Variants in RIMS2 observed in about 807,000 individuals in gnomAD.
The protein encoded by RIMS2 is regulating synaptic membrane exocytosis protein 2.
Under a neutral mutation model 174.4 loss-of-function variants are expected in RIMS2, and 59 were observed. The ratio of observed to expected loss-of-function variants is 0.34; its 90% CI spans 0.27 to 0.42. The LOEUF (loss-of-function observed/expected upper bound fraction) is 0.42, where lower values mean the gene tolerates loss of function less well. Ranked by LOEUF, RIMS2 falls within the 10% of genes least tolerant of loss-of-function variation. The pLI is 1.00. For synonymous variants in RIMS2, 606 were observed against 572.5 expected (o/e 1.06, Z -0.84); for missense variants, 1,620 against 1,666.3 (o/e 0.97, Z 0.48).
rs551385234 is a variant in RIMS2 at position 103,881,931 on chromosome 8, C to T, written c.699-3367C>T. 9.3e-5 allele frequency among the ~76,000 whole-genome samples: 14 copies of T among 151,232 alleles called. No homozygotes were observed. The East Asian group carries it at 2.3e-3, about 25-fold the overall frequency. ...TAACAGAAATAAGGATAATAGAATG[C>T]GTAGGAGTAAAGATTAAGGCACTAT... On this transcript the variant is annotated intron_variant, in intron 3 of 23. Transcript: ENST00000504942.
intron 1 of RIMS2, among the ~76,000 whole-genome samples, chr8:103,670,345 C>T (rs998987059): frequency 5.9e-5 from 9 of 152,224 alleles, no homozygotes; most frequent in Non-Finnish European, 1.2e-4. Context: ...GCAAAAGTCT[C>T]TGACATGCTC....
intron 3 of RIMS2, among the ~76,000 whole-genome samples, chr8:103,781,581 A>C (rs7836827): frequency 0.12 from 17,616 of 152,116 alleles, 1,354 homozygotes; most frequent in Non-Finnish European, 0.17. Context: ...TATTTTAAAA[A>C]ACGGTTCAAA....
At chr8:103,769,068 A>T (rs954370038) in intron 3 of RIMS2, 5 of 259,206 alleles carry the variant, frequency 1.9e-5, no homozygotes, top group Non-Finnish European at 3.9e-5. Context: ...CAGACTAAAA[A>T]AAAAAGGATA....
chr8:103,797,786 G>T (rs1265269113), intron 3 of RIMS2, among the ~76,000 whole-genome samples: 2 of 152,068 alleles, frequency 1.3e-5, no homozygotes, highest in African/African-American at 4.8e-5. Flanking sequence ...TAAATAATTT[G>T]CTTGAATGTC....
intron 19 of RIMS2, among the ~76,000 whole-genome samples, chr8:104,216,932 A>G (rs6468910): frequency 0.13 from 20,420 of 152,236 alleles, 1,838 homozygotes; most frequent in African/African-American, 0.25. Context: ...ACTACCTTAT[A>G]TAGTGTTTAT....
intron 19 of RIMS2, among the ~76,000 whole-genome samples, chr8:104,167,813 A>G (rs1294007713): frequency 6.6e-6 from 1 of 152,158 alleles, no homozygotes; most frequent in Non-Finnish European, 1.5e-5. Flanking sequence ...TTCAGATCTT[A>G]GATTTAAGTC....
rs536935586 is a variant in RIMS2 at position 103,970,318 on chromosome 8, A to G, written c.2771-5032A>G. On this transcript the variant is annotated intron_variant, in intron 15 of 23. Coordinates refer to ENST00000504942, the Ensembl canonical transcript of RIMS2. ...TTCTTTCTCCTGTGTGGAAAGCTAG[A>G]GTGGACTAGATTTGGGTATTTCCCT... Among the ~76,000 whole-genome samples, 4 of 152,220 alleles carry G rather than the reference A, an allele frequency of 2.6e-5. No homozygotes were observed. In the East Asian group the frequency reaches 7.7e-4, roughly 29 times the overall value.
chr8:103,526,012 C>A (rs927755221), intron 1 of RIMS2, among the ~76,000 whole-genome samples: 2 of 152,206 alleles, frequency 1.3e-5, no homozygotes, highest in African/African-American at 4.8e-5. Context: ...CATTTGAAGC[C>A]TCTTTCTACT....
chr8:103,784,095 G>A lies in RIMS2; in HGVS notation c.698+17558G>A, dbSNP rs1324009934. On this transcript the variant is annotated intron_variant, in intron 3 of 23. Coordinates refer to ENST00000504942, the Ensembl canonical transcript of RIMS2. Reference sequence around the variant, plus strand: ...TGAGAAGTGTCTGTTCATGTCCTTCGCCCACTTTTTGATGGGGTTGTTTGT... The same window carrying A: ...TGAGAAGTGTCTGTTCATGTCCTTCACCCACTTTTTGATGGGGTTGTTTGT... Among the ~76,000 whole-genome samples the A allele has an allele frequency of 8.9e-4, 132 of 147,776 alleles. 1 individual carries two copies. The East Asian group carries it at 0.013, about 15-fold the overall frequency.
rs771699839 is a variant in RIMS2, at chr8:104,246,231, T to C, written c.3476+1174T>C. 2.0e-5 allele frequency among the ~76,000 whole-genome samples: 3 copies of C among 152,208 alleles called. No individual in the cohort carries two copies. The East Asian group carries it at 5.8e-4, about 29-fold the overall frequency. On this transcript the variant is annotated intron_variant, in intron 20 of 23. Transcript: ENST00000504942. ...CAGTCACTGTGCTGTACGTTGGGGATGTAAGTCATAGGAGGGAGGGAGTAA... is the reference window on the plus strand; with the variant it reads ...CAGTCACTGTGCTGTACGTTGGGGACGTAAGTCATAGGAGGGAGGGAGTAA...
chr8:103,786,233 A>C (rs1189649294), intron 3 of RIMS2, among the ~76,000 whole-genome samples: 2 of 152,090 alleles, frequency 1.3e-5, no homozygotes, highest in South Asian at 4.1e-4. Flanking sequence ...TCCTGGATTC[A>C]TTAATTTTTT....
intron 3 of RIMS2, among the ~76,000 whole-genome samples, chr8:103,808,020 G>T (rs1592858989): frequency 6.6e-6 from 1 of 152,218 alleles, no homozygotes; most frequent in South Asian, 2.1e-4. Context: ...AAGGAGGAAA[G>T]GGGGATGATG....
At chr8:104,200,819 C>T (rs922828817) in intron 19 of RIMS2, among the ~76,000 whole-genome samples, 4 of 152,078 alleles carry the variant, frequency 2.6e-5, no homozygotes, top group East Asian at 1.9e-4. Flanking sequence ...GTGGCTGAGG[C>T]GGGAAGATCA....
chr8:103,526,294 A>G (rs559297664), intron 1 of RIMS2, among the ~76,000 whole-genome samples: 43 of 152,248 alleles, frequency 2.8e-4, no homozygotes, highest in Non-Finnish European at 3.4e-4. Flanking sequence ...ACAGACATCT[A>G]AGATTGTTAA....
At chr8:104,171,582 A>C (rs1248259285) in intron 19 of RIMS2, among the ~76,000 whole-genome samples, 1 of 151,774 alleles carries the variant, frequency 6.6e-6, no homozygotes, top group African/African-American at 2.4e-5. Flanking sequence ...TTGTTTTCAC[A>C]TTTCTGTTAT....
At position 103,739,009 on chromosome 8, in the gene RIMS2, C is replaced by T. The variant is rs537467831; in HGVS notation, c.388-27218C>T. Among the ~76,000 whole-genome samples the T allele has an allele frequency of 2.4e-4, 37 of 152,290 alleles. No homozygotes were observed. The East Asian group carries it at 5.8e-3, about 24-fold the overall frequency. ...ATCTAGAACTAGAAATACCATTTGA[C>T]GTAGCCATCCCATTACTGGGTATAT... On this transcript the variant is annotated intron_variant, in intron 2 of 23. Transcript: ENST00000504942.
At chr8:103,522,862 C>G (rs1329026986) in intron 1 of RIMS2, among the ~76,000 whole-genome samples, 1 of 151,942 alleles carries the variant, frequency 6.6e-6, no homozygotes, top group East Asian at 1.9e-4. Flanking sequence ...TGTTCTTTTC[C>G]TCCTTGAGTT....
At chr8:103,882,182 A>G (rs1333585967) in intron 3 of RIMS2, among the ~76,000 whole-genome samples, 4 of 151,482 alleles carry the variant, frequency 2.6e-5, no homozygotes, top group African/African-American at 9.7e-5. Context: ...AATATTTTCC[A>G]CCTGATGATA....
intron 2 of RIMS2, among the ~76,000 whole-genome samples, chr8:103,736,077 C>A (rs1430850486): frequency 6.6e-6 from 1 of 152,096 alleles, no homozygotes; most frequent in East Asian, 1.9e-4. Flanking sequence ...TCCTTTGTGG[C>A]ACCTTGGCTT....
Sources: allele counts gnomAD v4.1 joint callset (sites outside exome capture counted in the v4.1 genomes callset), GRCh38; gene constraint gnomAD v4.1.1; transcripts MANE v1.5; gene names NCBI Gene and HGNC (gene_info 2026-07-23, HGNC 2026-07-21).